Variants in AUTS2 observed in about 807,000 individuals in gnomAD.
AUTS2 encodes the protein activator of transcription and developmental regulator AUTS2.
Under a neutral mutation model 112.4 loss-of-function variants are expected in AUTS2, and 17 were observed. The observed-to-expected ratio is 0.15, with a 90% confidence interval of 0.10 to 0.23. The LOEUF (loss-of-function observed/expected upper bound fraction) is 0.23. Ranked by LOEUF, AUTS2 falls within the 10% of genes least tolerant of loss-of-function variation. AUTS2 has a pLI of 1.00. For synonymous variants in AUTS2, 751 were observed against 702.7 expected (o/e 1.07, Z -1.09); for missense variants, 1,510 against 1,701.6 (o/e 0.89, Z 1.98).
At chr7:70,533,059 C>G (rs1479303688) in intron 5 of AUTS2, among the ~76,000 whole-genome samples, 1 of 152,194 alleles carries the variant, frequency 6.6e-6, no homozygotes, top group African/African-American at 2.4e-5. Flanking sequence ...GGAGATGCCT[C>G]AGCATTTTAC....
chr7:70,063,238 A>T (rs1802335518), intron 2 of AUTS2, among the ~76,000 whole-genome samples: 1 of 150,532 alleles, frequency 6.6e-6, no homozygotes, highest in Non-Finnish European at 1.5e-5. Context: ...GGTTATTCAC[A>T]TTGCCGATGG....
chr7:70,020,972 A>G (rs191457734), intron 2 of AUTS2, among the ~76,000 whole-genome samples: 2 of 150,432 alleles, frequency 1.3e-5, no homozygotes, highest in Admixed American at 1.3e-4. Flanking sequence ...TGCCCAGCCT[A>G]GAAACTTTTC....
chr7:69,859,181 G>A (rs1202164525), intron 1 of AUTS2, among the ~76,000 whole-genome samples: 1 of 152,018 alleles, frequency 6.6e-6, no homozygotes, highest in Non-Finnish European at 1.5e-5. Flanking sequence ...AAGCAAAGAG[G>A]GTTTAAAATT....
chr7:70,703,501 A>AT (rs1809574042), intron 6 of AUTS2, among the ~76,000 whole-genome samples: 3 of 151,774 alleles, frequency 2.0e-5, no homozygotes, highest in African/African-American at 7.2e-5. Flanking sequence ...AAAAAAAAAA[A>AT]AAAAAAAAAA....
At chr7:70,695,756 A>T (rs1214507327) in intron 5 of AUTS2, among the ~76,000 whole-genome samples, 1 of 152,246 alleles carries the variant, frequency 6.6e-6, no homozygotes, top group Non-Finnish European at 1.5e-5. Flanking sequence ...TACGGCTTCT[A>T]GCAATATTTT....
At chr7:69,644,320 C>T (rs955559573) in intron 1 of AUTS2, among the ~76,000 whole-genome samples, 2 of 151,912 alleles carry the variant, frequency 1.3e-5, no homozygotes, top group African/African-American at 4.8e-5. Context: ...TGTAGAGGAC[C>T]CCTAGACTTT....
rs115998294 is a variant in AUTS2, at chr7:70,752,225, G to A, written c.743-10645G>A. On this transcript the variant is annotated intron_variant, in intron 6 of 18. Transcript: ENST00000342771. The stretch of plus-strand genomic sequence containing the variant: ...GAGATGATCTTATCCAGAGGAAGCA[G>A]CTAATAAATATTGAGGCTGGCAGGA... Among the ~76,000 whole-genome samples, 370 of 152,204 alleles carry A rather than the reference G, an allele frequency of 2.4e-3. 1 individual carries two copies. The highest frequency in any genetic ancestry group is 8.5e-3 in the African/African-American group (354 of 41,540).
chr7:70,399,382 A>C (rs1015512095), intron 4 of AUTS2, among the ~76,000 whole-genome samples: 3 of 152,028 alleles, frequency 2.0e-5, no homozygotes, highest in Non-Finnish European at 4.4e-5. Flanking sequence ...TACATTGCTA[A>C]GGTCTTTTTT....
intron 5 of AUTS2, among the ~76,000 whole-genome samples, chr7:70,683,359 C>T (rs575885654): frequency 7.0e-4 from 106 of 152,174 alleles, no homozygotes; most frequent in Admixed American, 2.3e-3. Context: ...CTGACCACTG[C>T]GTATCAACCC....
At position 70,723,245 on chromosome 7, in the gene AUTS2, T is replaced by TTTTG. The variant is rs199706895; in HGVS notation, c.742+24641_742+24644dup. Among the ~76,000 whole-genome samples, 11 of 152,198 alleles carry TTTTG rather than the reference T, an allele frequency of 7.2e-5. No homozygotes were observed. The East Asian group carries it at 7.7e-4, about 11-fold the overall frequency. On this transcript the variant is annotated intron_variant, in intron 6 of 18. Coordinates refer to ENST00000342771, the MANE Select transcript of AUTS2 (RefSeq NM_015570.4). ...TGAACGCTGAAAATAACTTTTTCGG[T>TTTTG]TTTGTTTGTTTGTTTGTTTTCCTCT...
intron 1 of AUTS2, among the ~76,000 whole-genome samples, chr7:69,645,651 G>C (rs1794988434): frequency 6.6e-6 from 1 of 152,172 alleles, no homozygotes; most frequent in Non-Finnish European, 1.5e-5. Flanking sequence ...TGCTGTATCT[G>C]CTTTGGGAGT....
At chr7:70,273,462 C>G (rs1326689080) in intron 4 of AUTS2, among the ~76,000 whole-genome samples, 1 of 146,740 alleles carries the variant, frequency 6.8e-6, no homozygotes, top group Non-Finnish European at 1.5e-5. Context: ...TATTATACTA[C>G]CTATAGCTTT....
At chr7:70,786,921 G>A in intron 17 of AUTS2, 1 of 484,644 alleles carries the variant, frequency 2.1e-6, no homozygotes, top group South Asian at 2.1e-5. Flanking sequence ...CAGATACGTT[G>A]AATTAGGTCA....
chr7:69,798,923 C>G (rs970770201), intron 1 of AUTS2, among the ~76,000 whole-genome samples: 1 of 151,388 alleles, frequency 6.6e-6, no homozygotes, highest in East Asian at 1.9e-4. Context: ...CTCAGGAGTT[C>G]GAGGCTGCAG....
chr7:70,628,877 G>A (rs1320441012), intron 5 of AUTS2, among the ~76,000 whole-genome samples: 4 of 152,116 alleles, frequency 2.6e-5, no homozygotes, highest in African/African-American at 9.7e-5. Flanking sequence ...GTAGATAGAT[G>A]GCGGTGTCTT....
intron 6 of AUTS2, among the ~76,000 whole-genome samples, chr7:70,751,054 T>C (rs1345389902): frequency 6.6e-6 from 1 of 152,220 alleles, no homozygotes; most frequent in African/African-American, 2.4e-5. Flanking sequence ...ACAGACATGT[T>C]GATGTCTCTG....
chr7:69,662,831 C>T (rs543800228), intron 1 of AUTS2, among the ~76,000 whole-genome samples: 3 of 152,212 alleles, frequency 2.0e-5, no homozygotes, highest in African/African-American at 7.2e-5. Context: ...CCAACCCTTA[C>T]ATTTTATGAT....
At chr7:70,117,762 T>G (rs1050810038) in intron 2 of AUTS2, among the ~76,000 whole-genome samples, 93 of 152,162 alleles carry the variant, frequency 6.1e-4, no homozygotes, top group Non-Finnish European at 1.1e-3. Context: ...TTTTTTTTTT[T>G]TGTGAGACGG....
intron 1 of AUTS2, among the ~76,000 whole-genome samples, chr7:69,812,979 A>G (rs1270459692): frequency 3.3e-5 from 5 of 152,130 alleles, no homozygotes; most frequent in Non-Finnish European, 2.9e-5. Flanking sequence ...ACTTTAGATC[A>G]TATCACTCCT....
Sources: gnomAD v4.1 joint callset for allele counts (sites outside exome capture counted in the v4.1 genomes callset) on GRCh38, gnomAD v4.1.1 for gene constraint, MANE v1.5 for transcripts, NCBI Gene and HGNC (gene_info 2026-07-23, HGNC 2026-07-21) for gene names.